Variants in SLC2A9 observed in about 807,000 individuals in gnomAD.
The protein encoded by SLC2A9 is solute carrier family 2, facilitated glucose transporter member 9.
In SLC2A9, 39 loss-of-function variants were observed where a neutral mutation model predicts 50.6. The observed-to-expected ratio is 0.77, with a 90% CI of 0.60 to 1.01. SLC2A9 has a LOEUF of 1.01. Among genes scored for constraint, SLC2A9 ranks in the 50% least tolerant of loss-of-function variants. The pLI is 0.00. For synonymous variants in SLC2A9, 324 were observed against 276.9 expected (o/e 1.17, Z -1.69); for missense variants, 686 against 677.6 (o/e 1.01, Z -0.14).
chr4:9,984,430 CAGAG>C (rs141819421), intron 4 of SLC2A9, among the ~76,000 whole-genome samples: 2 of 149,982 alleles, frequency 1.3e-5, no homozygotes, highest in Non-Finnish European at 3.0e-5. Context: ...GTGAGAGAGA[CAGAG>C]AGAGAGAGAG....
chr4:9,925,094 T>G (rs1254231188), intron 6 of SLC2A9, among the ~76,000 whole-genome samples: 1 of 152,196 alleles, frequency 6.6e-6, no homozygotes, highest in Non-Finnish European at 1.5e-5. Flanking sequence ...CCCCCATCTC[T>G]CTTGGCTGCT....
chr4:9,966,141 G>A (rs1578117229), intron 5 of SLC2A9, among the ~76,000 whole-genome samples: 1 of 152,150 alleles, frequency 6.6e-6, no homozygotes, highest in Admixed American at 6.5e-5. Context: ...TGGGCAGAGT[G>A]AGACTAATGC....
chr4:9,776,701 C>A (rs561565988), downstream of SLC2A9, among the ~76,000 whole-genome samples: 1 of 152,118 alleles, frequency 6.6e-6, no homozygotes, highest in Non-Finnish European at 1.5e-5. Context: ...TCCACCATAG[C>A]GTTCTGGTGT....
At chr4:9,939,411 C>T (rs139290988) in intron 6 of SLC2A9, among the ~76,000 whole-genome samples, 2 of 152,200 alleles carry the variant, frequency 1.3e-5, no homozygotes, top group African/African-American at 4.8e-5. Flanking sequence ...TAACACAGGG[C>T]CTCTTTTCCC....
At chr4:9,771,188 C>G (rs923595564) in exon 2 of SLC2A9, 18 of 294,886 alleles carry the variant, frequency 6.1e-5, no homozygotes, top group African/African-American at 1.7e-4. Context: ...TTATATTAGT[C>G]AAGCAACTTA....
intron 3 of SLC2A9, among the ~76,000 whole-genome samples, chr4:9,793,389 G>A (rs956827831): frequency 5.3e-5 from 8 of 152,312 alleles, no homozygotes; most frequent in African/African-American, 1.4e-4. Flanking sequence ...GTGCACCGTC[G>A]GTGGGGAGAA....
chr4:9,800,605 T>A (rs537163558), intron 3 of SLC2A9, among the ~76,000 whole-genome samples: 2 of 152,350 alleles, frequency 1.3e-5, no homozygotes, highest in East Asian at 3.9e-4. Context: ...TGTGGTACAC[T>A]CAGCCTTCCT....
chr4:9,966,650 G>T (rs955039839), intron 5 of SLC2A9, among the ~76,000 whole-genome samples: 4 of 152,086 alleles, frequency 2.6e-5, no homozygotes, highest in Non-Finnish European at 4.4e-5. Context: ...AGACTGTGTC[G>T]CTAAATAAAC....
At chr4:9,930,887 G>GA (rs1745776953) in intron 6 of SLC2A9, among the ~76,000 whole-genome samples, 1 of 152,166 alleles carries the variant, frequency 6.6e-6, no homozygotes, top group African/African-American at 2.4e-5. Flanking sequence ...TTGTGGAAGG[G>GA]ACCCAGGCAC....
At position 9,918,921 on chromosome 4, in the gene SLC2A9, T is replaced by A. The variant is rs938560; in HGVS notation, c.1002+1464A>T. Among the ~76,000 whole-genome samples, 706 of 152,254 alleles carry A rather than the reference T, an allele frequency of 4.6e-3. 8 individuals carry two copies. Among genetic ancestry groups the A allele is most frequent in the African/African-American group, 0.016 (684 of 41,546 alleles). Reference sequence around the variant, plus strand: ...CATGACTGCTGGCTTTGGGAGCAGCTGAGATTTTTTTTCAACAGGTGCTTA... The same window carrying A: ...CATGACTGCTGGCTTTGGGAGCAGCAGAGATTTTTTTTCAACAGGTGCTTA... On this transcript the variant is annotated intron_variant, in intron 7 of 11. Coordinates refer to ENST00000264784, the MANE Select transcript of SLC2A9 (RefSeq NM_020041.3).
At chr4:9,986,716 T>A (rs1756786108) in intron 3 of SLC2A9, among the ~76,000 whole-genome samples, 1 of 152,088 alleles carries the variant, frequency 6.6e-6, no homozygotes, top group Non-Finnish European at 1.5e-5. Flanking sequence ...ATGGCTGGAC[T>A]AATCCTCTCA....
At chr4:9,812,658 C>T (rs1342829837) in intron 3 of SLC2A9, among the ~76,000 whole-genome samples, 1 of 152,170 alleles carries the variant, frequency 6.6e-6, no homozygotes, top group East Asian at 1.9e-4. Flanking sequence ...AGAAGTGCCA[C>T]ATTTTAAAGA....
chr4:9,775,755 G>C (rs1163595068), downstream of SLC2A9, among the ~76,000 whole-genome samples: 1 of 152,120 alleles, frequency 6.6e-6, no homozygotes, highest in East Asian at 1.9e-4. Context: ...CATGCTTCTT[G>C]TAAAGCCCGC....
chr4:10,007,045 C>G (rs1326966716), intron 2 of SLC2A9, among the ~76,000 whole-genome samples: 1 of 152,208 alleles, frequency 6.6e-6, no homozygotes, highest in Admixed American at 6.5e-5. Context: ...TTCCTCTGGA[C>G]TTCACCCCTG....
At chr4:9,873,052 C>T (rs765143331) in intron 10 of SLC2A9, among the ~76,000 whole-genome samples, 14 of 152,228 alleles carry the variant, frequency 9.2e-5, no homozygotes, top group Non-Finnish European at 1.6e-4. Flanking sequence ...CAACATTCCC[C>T]TATAGCCTTT....
intron 10 of SLC2A9, among the ~76,000 whole-genome samples, chr4:9,871,984 G>A (rs1733518383): frequency 6.6e-6 from 1 of 152,164 alleles, no homozygotes; most frequent in Non-Finnish European, 1.5e-5. Context: ...GATGGCTGCT[G>A]AGGAATCATT....
In SLC2A9 at chr4:9,826,266, A is replaced by C. The variant is rs1215916963; in HGVS notation, c.*131T>G. On this transcript the variant is annotated 3_prime_UTR_variant, in exon 12 of 12. Transcript: ENST00000264784. ...TACTTTTAAATATTTAATAATATAA[A>C]AGACTTGCATAGCTTCAATTCATTT... 1.2e-6 allele frequency: 1 copy of C among 839,460 alleles called. No individual in the cohort carries two copies. The highest frequency in any genetic ancestry group is 1.7e-5 in the African/African-American group (1 of 58,284). 52.0% of individuals were successfully genotyped at this position (839,460 alleles called of 1,614,324 possible). A position where few individuals can be genotyped will look rare whatever the true frequency, so the allele number is the denominator to read the frequency against.
At chr4:9,943,817 G>A (rs1049788760) in intron 5 of SLC2A9, among the ~76,000 whole-genome samples, 4 of 152,102 alleles carry the variant, frequency 2.6e-5, no homozygotes, top group African/African-American at 9.7e-5. Context: ...GAGAAAACAC[G>A]AGGGAACCAA....
chr4:9,918,408 C>T (rs1043747619), intron 7 of SLC2A9, among the ~76,000 whole-genome samples: 6 of 152,170 alleles, frequency 3.9e-5, no homozygotes, highest in Non-Finnish European at 8.8e-5. Context: ...GCATGGGTCT[C>T]TCTGTATGTA....
Sources: gnomAD v4.1 joint callset for allele counts (sites outside exome capture counted in the v4.1 genomes callset) on GRCh38, gnomAD v4.1.1 for gene constraint, MANE v1.5 for transcripts, NCBI Gene and HGNC (gene_info 2026-07-23, HGNC 2026-07-21) for gene names.